REEP5: variants seen among roughly 807,000 people sequenced by gnomAD.
REEP5 encodes receptor accessory protein 5.
REEP5 carries 24 observed loss-of-function variants against 22.4 expected under a neutral mutation model. That is an observed-to-expected ratio of 1.07 (90% CI 0.78 to 1.51). REEP5 has a LOEUF of 1.51. REEP5 is among the 40% of genes most tolerant of loss of function. REEP5 has a pLI of 0.00. For synonymous variants in REEP5, 103 were observed against 88.6 expected, an observed-to-expected ratio of 1.16 and a Z score of -0.92; for missense variants, 252 against 233.0, an observed-to-expected ratio of 1.08 and a Z score of -0.53.
At chr5:112,912,293 G>A (rs1769122276) in intron 2 of REEP5, among the ~76,000 whole-genome samples, 1 of 152,094 alleles carries the variant, frequency 6.6e-6, no homozygotes, top group Non-Finnish European at 1.5e-5. Flanking sequence ...TAACTCAGTT[G>A]CTACAATTCA....
At chr5:112,899,681 C>T (rs1017006532) in intron 3 of REEP5, among the ~76,000 whole-genome samples, 2 of 152,200 alleles carry the variant, frequency 1.3e-5, no homozygotes, top group African/African-American at 4.8e-5. Flanking sequence ...TGACTATTTC[C>T]TTAGAATTGT....
rs775434915 is a variant in REEP5 at position 112,887,074 on chromosome 5, C to A, written c.461G>T (p.Ser154Ile). ...CTTGTCTTTAAGGTCCTTGACCACA[C>A]TGTCCATCTGGGACTCGTGCTTCAG... is the stretch of plus-strand genomic sequence containing the variant. ...FFLKHESQMD[S>I]VVKDLKDKAK... The change falls in exon 4 of 5, where the codon AGT (serine) becomes ATT (isoleucine). Residue 154 changes from serine to isoleucine, a missense_variant. Transcript: ENST00000379638. 6.2e-7 allele frequency: 1 copy of A among 1,613,736 alleles called. No individual in the cohort carries two copies. Among genetic ancestry groups the A allele is most frequent in the South Asian group, 1.1e-5 (1 of 91,066 alleles).
At chr5:112,895,260 C>CAAAAAAAAAAAAAAAAAAAA (rs1195775772) in intron 3 of REEP5, 1 of 64,290 alleles carries the variant, frequency 1.6e-5, no homozygotes, top group African/African-American at 5.3e-5. Context: ...AAAAAAAAAT[C>CAAAAAAAAAAAAAAAAAAAA]AGGAGAGGTG....
At chr5:112,885,079 G>C (rs1768201186) in intron 4 of REEP5, 1 of 157,382 alleles carries the variant, frequency 6.4e-6, no homozygotes, top group Non-Finnish European at 1.4e-5. Flanking sequence ...AACTGAATCA[G>C]GCTGGCCGTC....
rs749057965 is a variant in REEP5 at position 112,902,532 on chromosome 5, C to G, written c.213-14G>C. 24 of 1,562,706 alleles carry G rather than the reference C, an allele frequency of 1.5e-5. No homozygotes were observed. The highest frequency in any genetic ancestry group is 2.0e-5 in the Non-Finnish European group (23 of 1,159,282). On this transcript the variant is annotated splice_polypyrimidine_tract_variant and intron_variant, in intron 2 of 4. Coordinates refer to ENST00000379638, the MANE Select transcript of REEP5 (RefSeq NM_005669.5). ...ATAGCTTTAATTCTGAAAGGCAGTA[C>G]AAAAGAAAGTATATCATTTGGTAAG...
At position 112,877,438 on chromosome 5, in the gene REEP5, T is replaced by G. The variant is rs563847835; in HGVS notation, c.*1348A>C. 2 of 152,182 alleles carry G rather than the reference T, an allele frequency of 1.3e-5. No homozygotes were observed. Among genetic ancestry groups the G allele is most frequent in the African/African-American group, 4.8e-5 (2 of 41,442 alleles). The allele number at this position is 152,182 out of a possible 1,614,324, so 9.4% of individuals were successfully genotyped here. A position where few individuals can be genotyped will look rare whatever the true frequency, so the allele number is the denominator to read the frequency against. On this transcript the variant is annotated 3_prime_UTR_variant, in exon 5 of 5. Coordinates refer to ENST00000379638, the MANE Select transcript of REEP5 (RefSeq NM_005669.5). Reference sequence around the variant, plus strand: ...ACTCAGATTTTCTAGTCCAGACAAATTGCTCTCTATAACGATTTGGCAGAT... The same window carrying G: ...ACTCAGATTTTCTAGTCCAGACAAAGTGCTCTCTATAACGATTTGGCAGAT...
chr5:112,887,197 G>C lies in REEP5; in HGVS notation c.352-14C>G, dbSNP rs1278153708. ...CAGGAAGCCACACTGCACAGAAAAA[G>C]AGCCAGCATGGGTAACAGGAGGGTG... On this transcript the variant is annotated splice_polypyrimidine_tract_variant and intron_variant, in intron 3 of 4. Transcript: ENST00000379638. 6.4e-7 allele frequency: 1 copy of C among 1,565,468 alleles called. No homozygotes were observed. Among genetic ancestry groups the C allele is most frequent in the Admixed American group, 1.7e-5 (1 of 58,452 alleles).
At chr5:112,888,263 G>A (rs993683872) in intron 3 of REEP5, among the ~76,000 whole-genome samples, 1 of 152,162 alleles carries the variant, frequency 6.6e-6, no homozygotes, top group Non-Finnish European at 1.5e-5. Flanking sequence ...GTGTTTTAGA[G>A]ATACAAAGCT....
In REEP5 at chr5:112,902,411, A is replaced by G. The variant is rs1768872147; in HGVS notation, c.320T>C (p.Leu107Pro). The G allele has an allele frequency of 3.1e-6, 5 of 1,613,022 alleles. No individual in the cohort carries two copies. The highest frequency in any genetic ancestry group is 3.4e-6 in the Non-Finnish European group (4 of 1,179,718). ...SIAEFFSDIF[L>P]SWFPFYYMLK... Reference sequence around the variant, plus strand: ...CATGTAGTAGAAGGGGAACCATGACAGGAAGATATCAGAGAAGAATTCAGC... The same window carrying G: ...CATGTAGTAGAAGGGGAACCATGACGGGAAGATATCAGAGAAGAATTCAGC... Residue 107 changes from leucine to proline, a missense_variant, in exon 3 of 5, where the codon CTG becomes CCG. Leu to Pro is a moderately conservative substitution (Grantham distance 98). Coordinates refer to ENST00000379638, the MANE Select transcript of REEP5 (RefSeq NM_005669.5).
At position 112,922,191 on chromosome 5, in the gene REEP5, G is replaced by A. The variant is rs771790234; in HGVS notation, c.-1C>T. 4 of 1,603,332 alleles carry A rather than the reference G, an allele frequency of 2.5e-6. No individual in the cohort carries two copies. Among genetic ancestry groups the A allele is most frequent in the Non-Finnish European group, 3.4e-6 (4 of 1,175,054 alleles). On this transcript the variant is annotated 5_prime_UTR_variant, in exon 1 of 5. Coordinates refer to ENST00000379638, the MANE Select transcript of REEP5 (RefSeq NM_005669.5). ...ACCTCTCCCTCATGGCCGCAGACAT[G>A]GCGGGGACCGTCTCGCCGCTCGGGG...
intron 1 of REEP5, chr5:112,921,684 G>C (rs181166603): frequency 0.013 from 3,214 of 240,068 alleles, 37 homozygotes; most frequent in Non-Finnish European, 0.016. Context: ...CCCTCTCCGG[G>C]CGGAGCTCCA....
chr5:112,910,688 A>G (rs1251322929), intron 2 of REEP5, among the ~76,000 whole-genome samples: 2 of 152,198 alleles, frequency 1.3e-5, no homozygotes, highest in South Asian at 2.1e-4. Flanking sequence ...TCACTGCTGA[A>G]TGATGGTCAC....
chr5:112,916,091 A>G (rs1223112281), intron 2 of REEP5, among the ~76,000 whole-genome samples: 1 of 152,178 alleles, frequency 6.6e-6, no homozygotes, highest in East Asian at 1.9e-4. Context: ...CCTCTTTAGG[A>G]GTCTGTCAAT....
intron 2 of REEP5, among the ~76,000 whole-genome samples, chr5:112,917,476 T>C (rs963608713): frequency 5.3e-5 from 8 of 152,164 alleles, no homozygotes; most frequent in African/African-American, 1.9e-4. Context: ...GGAAAAGTAA[T>C]AGACATTTTT....
chr5:112,922,058 C>T lies in REEP5; in HGVS notation c.118+15G>A. ...CCCGTGGCCCTACCAGCGGCGGCGA[C>T]CCCCGGCCACCCACCAAGAGCGATG... is the stretch of plus-strand genomic sequence containing the variant. On this transcript the variant is annotated intron_variant, in intron 1 of 4. Transcript: ENST00000379638. The T allele has an allele frequency of 6.3e-7, 1 of 1,579,484 alleles. No individual in the cohort carries two copies. Among genetic ancestry groups the T allele is most frequent in the South Asian group, 1.1e-5 (1 of 87,636 alleles).
chr5:112,910,852 A>G (rs1769088436), intron 2 of REEP5, among the ~76,000 whole-genome samples: 1 of 152,192 alleles, frequency 6.6e-6, no homozygotes, highest in African/African-American at 2.4e-5. Context: ...GATTTTATAT[A>G]CATGTACCTG....
chr5:112,894,849 C>G (rs1451801622), intron 3 of REEP5: 1 of 152,148 alleles, frequency 6.6e-6, no homozygotes, highest in Admixed American at 6.5e-5. Context: ...CATAGAATAT[C>G]TGATTTTCAG....
chr5:112,891,694 C>G, intron 3 of REEP5: 1 of 1,613,896 alleles, frequency 6.2e-7, no homozygotes, highest in Non-Finnish European at 8.5e-7. Flanking sequence ...TCCAGAGAAA[C>G]CAAGCCACAA....
Position 112,887,022 on chromosome 5 carries a change from A to G in REEP5, c.513T>C (p.Thr171=). The change falls in exon 4 of 5, where the codon ACT becomes ACC. Residue 171 remains threonine, a synonymous_variant. Transcript: ENST00000379638. ...DKAKETADAI[T]KEAKKATVNL... is the part of the protein sequence containing the mutation. ...CTTGTTCCTGAGTCTTACCTTCTTT[A>G]GTGATGGCATCTGCAGTCTCTTTGG... 1 of 1,601,592 alleles carries G rather than the reference A, an allele frequency of 6.2e-7. No homozygotes were observed. The highest frequency in any genetic ancestry group is 8.5e-7 in the Non-Finnish European group (1 of 1,170,338).
Sources: gnomAD v4.1 joint callset for allele counts (sites outside exome capture counted in the v4.1 genomes callset) on GRCh38, gnomAD v4.1.1 for gene constraint, MANE v1.5 for transcripts, NCBI Gene and HGNC (gene_info 2026-07-23, HGNC 2026-07-21) for gene names.